The following ERC2 variants were observed in gnomAD, a reference collection of about 807,000 sequenced individuals.
ERC2 encodes the protein ERC protein 2.
In ERC2, 42 loss-of-function variants were observed where a neutral mutation model predicts 114.8. The ratio of observed to expected loss-of-function variants is 0.37; its 90% CI spans 0.29 to 0.47. ERC2 has a LOEUF of 0.47. Among genes scored for constraint, ERC2 ranks in the 20% least tolerant of loss-of-function variants. ERC2 has a pLI of 0.99. For missense variants in ERC2, 939 were observed against 1,150.7 expected (o/e 0.82, Z 2.66); for synonymous variants, 454 against 425.5 (o/e 1.07, Z -0.82).
chr3:55,773,947 T>G (rs1014470293), intron 14 of ERC2, among the ~76,000 whole-genome samples: 23 of 152,206 alleles, frequency 1.5e-4, no homozygotes, highest in African/African-American at 5.3e-4. Context: ...TTTATTCTCT[T>G]CCTTCCCCAA....
intron 17 of ERC2, among the ~76,000 whole-genome samples, chr3:55,652,966 T>C (rs1383641780): frequency 2.0e-5 from 3 of 151,862 alleles, no homozygotes; most frequent in South Asian, 2.1e-4. Context: ...TACTGAAAAG[T>C]ATCAGAATTG....
intron 14 of ERC2, among the ~76,000 whole-genome samples, chr3:55,790,478 C>T (rs764019831): frequency 6.6e-5 from 10 of 152,174 alleles, no homozygotes; most frequent in Non-Finnish European, 1.0e-4. Flanking sequence ...AGAGTCCTAC[C>T]GTTGACACCA....
At chr3:56,199,336 C>G (rs1398056821) in intron 3 of ERC2, among the ~76,000 whole-genome samples, 1 of 151,980 alleles carries the variant, frequency 6.6e-6, no homozygotes, top group Non-Finnish European at 1.5e-5. Context: ...GAACTGGATT[C>G]TAGACAAAGG....
intron 13 of ERC2, among the ~76,000 whole-genome samples, chr3:55,925,836 G>C (rs898869815): frequency 4.6e-5 from 7 of 152,178 alleles, no homozygotes; most frequent in Admixed American, 3.3e-4. Context: ...GTACACGGTA[G>C]TATTTCTACT....
intron 17 of ERC2, among the ~76,000 whole-genome samples, chr3:55,521,618 G>A (rs1297932033): frequency 6.6e-6 from 1 of 152,238 alleles, no homozygotes; most frequent in Non-Finnish European, 1.5e-5. Context: ...GGTAGGCAGA[G>A]CCCTGATGTA....
At chr3:55,749,776 T>C (rs535067984) in intron 14 of ERC2, among the ~76,000 whole-genome samples, 1 of 152,272 alleles carries the variant, frequency 6.6e-6, no homozygotes, top group East Asian at 1.9e-4. Flanking sequence ...TTCCACGCTG[T>C]GGAAGCTTTG....
intron 13 of ERC2, among the ~76,000 whole-genome samples, chr3:55,903,864 G>A (rs1321361302): frequency 6.6e-6 from 1 of 152,202 alleles, no homozygotes; most frequent in African/African-American, 2.4e-5. Context: ...ACTCCAGTGT[G>A]TACAAATGTT....
rs111589163 is a variant in ERC2, at chr3:55,961,647, C to T, written c.2268-11087G>A. Among the ~76,000 whole-genome samples the T allele has an allele frequency of 7.1e-3, 1,087 of 152,250 alleles. 10 individuals are homozygous for T. Among genetic ancestry groups the T allele is most frequent in the Non-Finnish European group, 0.01 (698 of 68,012 alleles). ...TTAATTTATTTCTGGAACTGACCCTCACTTTGGTCAATGGATGAAACAAGT... is the reference window on the plus strand; with the variant it reads ...TTAATTTATTTCTGGAACTGACCCTTACTTTGGTCAATGGATGAAACAAGT... On this transcript the variant is annotated intron_variant, in intron 12 of 17. Transcript: ENST00000288221.
intron 14 of ERC2, among the ~76,000 whole-genome samples, chr3:55,786,795 T>A (rs1469959175): frequency 2.0e-5 from 3 of 152,052 alleles, no homozygotes; most frequent in Non-Finnish European, 2.9e-5. Context: ...GAATGGAGGA[T>A]GAGTTGAGTG....
At chr3:56,278,127 C>T (rs991233090) in intron 3 of ERC2, among the ~76,000 whole-genome samples, 3 of 152,208 alleles carry the variant, frequency 2.0e-5, no homozygotes, top group South Asian at 4.1e-4. Context: ...CCGTGGGTGA[C>T]TGATAAATGT....
intron 4 of ERC2, among the ~76,000 whole-genome samples, chr3:56,165,636 A>C (rs922503652): frequency 7.3e-5 from 11 of 151,700 alleles, no homozygotes; most frequent in African/African-American, 2.7e-4. Flanking sequence ...TTTTTATTTA[A>C]ATTAGGTCTT....
At chr3:55,723,629 T>C (rs925067883) in intron 15 of ERC2, among the ~76,000 whole-genome samples, 3 of 152,198 alleles carry the variant, frequency 2.0e-5, no homozygotes, top group African/African-American at 7.2e-5. Flanking sequence ...AAATTCCAAG[T>C]CTGATAAATG....
intron 1 of ERC2, among the ~76,000 whole-genome samples, chr3:56,466,471 C>A (rs947657616): frequency 6.6e-6 from 1 of 152,156 alleles, no homozygotes; most frequent in Non-Finnish European, 1.5e-5. Flanking sequence ...AACCATGACA[C>A]CATCACCTTC....
At chr3:56,146,178 C>T (rs117853199) in intron 5 of ERC2, among the ~76,000 whole-genome samples, 4,359 of 152,164 alleles carry the variant, frequency 0.029, 62 homozygotes, top group Middle Eastern at 0.065. Context: ...ATCCCAGCTA[C>T]TCAGGAGGCT....
chr3:55,590,000 C>A (rs1242861192), intron 17 of ERC2, among the ~76,000 whole-genome samples: 1 of 151,406 alleles, frequency 6.6e-6, no homozygotes. Context: ...CTCACATTCT[C>A]AAAAAAAACC....
At chr3:56,447,896 C>T (rs2062652508) in intron 1 of ERC2, among the ~76,000 whole-genome samples, 2 of 151,974 alleles carry the variant, frequency 1.3e-5, no homozygotes, top group Admixed American at 6.6e-5. Context: ...GTGCCCACCA[C>T]CAAGCCCAGG....
At chr3:56,048,932 T>C (rs1002306148) in intron 7 of ERC2, among the ~76,000 whole-genome samples, 1 of 152,178 alleles carries the variant, frequency 6.6e-6, no homozygotes, top group Admixed American at 6.5e-5. Flanking sequence ...GAGATGGGTA[T>C]TCACGAAGAC....
intron 16 of ERC2, among the ~76,000 whole-genome samples, chr3:55,693,790 C>A (rs898672801): frequency 1.3e-5 from 2 of 151,952 alleles, no homozygotes; most frequent in African/African-American, 4.8e-5. Flanking sequence ...CTCACTGCCA[C>A]CTCCACCTCC....
intron 6 of ERC2, among the ~76,000 whole-genome samples, chr3:56,112,898 C>T (rs17235382): frequency 0.17 from 25,266 of 151,884 alleles, 2,268 homozygotes; most frequent in African/African-American, 0.21. Context: ...GATAAAGGCC[C>T]ATCATCAGAC....
Sources: gnomAD v4.1 joint callset for allele counts (sites outside exome capture counted in the v4.1 genomes callset) on GRCh38, gnomAD v4.1.1 for gene constraint, MANE v1.5 for transcripts, NCBI Gene and HGNC (gene_info 2026-07-23, HGNC 2026-07-21) for gene names.